Variants in PCDHA2 observed in about 807,000 individuals in gnomAD.
PCDHA2 encodes the protein protocadherin alpha 2.
A neutral mutation model predicts 66.0 loss-of-function variants in PCDHA2; 58 were observed. That is an observed-to-expected ratio of 0.88 (90% CI 0.71 to 1.09). PCDHA2 has a LOEUF of 1.09. Among genes scored for constraint, PCDHA2 ranks in the 50% least tolerant of loss-of-function variants. PCDHA2 has a pLI of 0.00. For synonymous variants in PCDHA2, 634 were observed against 554.0 expected (o/e 1.14, Z -2.03); for missense variants, 1,267 against 1,242.3 (o/e 1.02, Z -0.30).
intron 1 of PCDHA2, chr5:140,968,754 G>T: frequency 1.2e-6 from 2 of 1,614,170 alleles, no homozygotes; most frequent in Non-Finnish European, 1.7e-6. Flanking sequence ...GTGGTGGTCC[G>T]AGATAATGGA....
intron 1 of PCDHA2, among the ~76,000 whole-genome samples, chr5:140,959,312 C>G (rs2095480226): frequency 6.6e-6 from 1 of 151,968 alleles, no homozygotes; most frequent in South Asian, 2.1e-4. Flanking sequence ...GTGGTTGAAG[C>G]TGCAATAAGT....
chr5:141,006,274 C>T (rs565885323), intron 3 of PCDHA2, among the ~76,000 whole-genome samples: 13 of 152,026 alleles, frequency 8.6e-5, no homozygotes, highest in African/African-American at 2.9e-4. Context: ...TGCAGTGGCA[C>T]GATCTCAGCT....
chr5:140,929,508 A>C (rs1200880949), intron 1 of PCDHA2: 3 of 831,290 alleles, frequency 3.6e-6, no homozygotes, highest in Non-Finnish European at 5.1e-6. Context: ...CCTAGGCCTC[A>C]AGGGACTTAT....
chr5:140,896,260 G>A (rs1304707341), intron 1 of PCDHA2, among the ~76,000 whole-genome samples: 1 of 152,230 alleles, frequency 6.6e-6, no homozygotes, highest in African/African-American at 2.4e-5. Context: ...TATGTACACA[G>A]TTATGGGATT....
At chr5:140,882,534 G>C in intron 1 of PCDHA2, 1 of 1,614,204 alleles carries the variant, frequency 6.2e-7, no homozygotes. Flanking sequence ...GTGAATTCTC[G>C]GATCGACCGC....
chr5:140,810,198 A>G (rs1214628062), intron 1 of PCDHA2: 2 of 152,248 alleles, frequency 1.3e-5, no homozygotes, highest in Non-Finnish European at 2.9e-5. Context: ...TTCTGTTTCT[A>G]GTACTATTTC....
intron 1 of PCDHA2, among the ~76,000 whole-genome samples, chr5:140,901,673 A>G (rs964267221): frequency 6.6e-6 from 1 of 152,056 alleles, no homozygotes; most frequent in Admixed American, 6.6e-5. Context: ...AGATACCTTT[A>G]GGTATTATGG....
chr5:140,805,138 A>G, intron 1 of PCDHA2: 1 of 1,572,924 alleles, frequency 6.4e-7, no homozygotes, highest in African/African-American at 1.3e-5. Context: ...GACATTTTGA[A>G]GACTTTGGAA....
intron 1 of PCDHA2, among the ~76,000 whole-genome samples, chr5:140,873,862 T>A (rs188055479): frequency 4.1e-4 from 62 of 152,308 alleles, no homozygotes; most frequent in Admixed American, 1.1e-3. Context: ...GTTTTCACCA[T>A]GTTGGCCAGG....
At chr5:140,946,591 AATAG>A (rs1237639683) in intron 1 of PCDHA2, among the ~76,000 whole-genome samples, 7 of 119,490 alleles carry the variant, frequency 5.9e-5, no homozygotes, top group African/African-American at 2.9e-4. Flanking sequence ...ATAGTGGATG[AATAG>A]ATAAAGAAAA....
intron 1 of PCDHA2, among the ~76,000 whole-genome samples, chr5:140,975,393 C>G (rs2096665585): frequency 6.6e-6 from 1 of 152,256 alleles, no homozygotes. Flanking sequence ...TAAGATCCAT[C>G]ACAATCACAG....
chr5:140,914,915 T>G (rs1037949691), intron 1 of PCDHA2, among the ~76,000 whole-genome samples: 8 of 151,746 alleles, frequency 5.3e-5, no homozygotes, highest in Non-Finnish European at 1.0e-4. Context: ...TTTCTCTGTG[T>G]CTTATTGTAC....
At position 140,849,443 on chromosome 5, in the gene PCDHA2, C is replaced by G. The variant is rs2150437584; in HGVS notation, c.2388+52091C>G. On this transcript the variant is annotated intron_variant, in intron 1 of 3. Coordinates refer to ENST00000526136, the MANE Select transcript of PCDHA2 (RefSeq NM_018905.3). ...TGGATTTTGAAGAAAGTAGAGCACA[C>G]AAGATCCCAGTCGAGGCTGTCGATA... 1.9e-6 allele frequency: 3 copies of G among 1,584,788 alleles called. 1 individual carries two copies. The highest frequency in any genetic ancestry group is 8.6e-7 in the Non-Finnish European group (1 of 1,160,072).
Position 140,898,798 on chromosome 5 carries a change from G to A in PCDHA2, c.2389-80151G>A, listed in dbSNP as rs1441416892. On this transcript the variant is annotated intron_variant, in intron 1 of 3. Coordinates refer to ENST00000526136, the MANE Select transcript of PCDHA2 (RefSeq NM_018905.3). The stretch of plus-strand genomic sequence containing the variant: ...CCTTGGGCAGTATGGCCATTTTCAC[G>A]ATACTGATTCTTCCTACCCATGAGC... Among the ~76,000 whole-genome samples the A allele has an allele frequency of 2.6e-4, 39 of 152,120 alleles. 1 individual carries two copies. Among genetic ancestry groups the A allele is most frequent in the African/African-American group, 7.2e-5 (3 of 41,414 alleles).
chr5:140,881,757 A>G (rs1238055344), intron 1 of PCDHA2, among the ~76,000 whole-genome samples: 1 of 152,166 alleles, frequency 6.6e-6, no homozygotes, highest in Non-Finnish European at 1.5e-5. Flanking sequence ...TACCACAAAA[A>G]CCTACATGAC....
intron 1 of PCDHA2, among the ~76,000 whole-genome samples, chr5:140,922,408 T>C (rs2080827805): frequency 6.6e-6 from 1 of 152,196 alleles, no homozygotes; most frequent in Non-Finnish European, 1.5e-5. Context: ...ATTAAAAAGA[T>C]CTAGGTACAG....
rs1762150875 is a variant in PCDHA2 at position 140,796,870 on chromosome 5, G to A, written c.1906G>A (p.Ala636Thr). Residue 636 changes from alanine (A) to threonine (T), a missense_variant, in exon 1 of 4, where the codon GCC becomes ACC. Physicochemically the swap from Ala to Thr is moderately conservative, Grantham distance 58. Transcript: ENST00000526136. ...CACGGGTGAGATCAGCACGACACGT[G>A]CCCTAGACGAGGCTGACTCCCCTCG... ...LYTGEISTTRALDEADSPRHR... is the reference protein window; with the variant it reads ...LYTGEISTTRTLDEADSPRHR... 6.2e-7 allele frequency: 1 copy of A among 1,613,910 alleles called. No individual in the cohort carries two copies. Among genetic ancestry groups the A allele is most frequent in the African/African-American group, 1.3e-5 (1 of 74,940 alleles).
intron 1 of PCDHA2, chr5:140,824,323 T>A: frequency 1.4e-6 from 1 of 698,316 alleles, no homozygotes; most frequent in South Asian, 1.9e-5. Context: ...ATCAGCTTTC[T>A]GTGATATTAA....
rs563512273 is a variant in PCDHA2 at position 140,921,751 on chromosome 5, A to G, written c.2389-57198A>G. Among the ~76,000 whole-genome samples, 11 of 152,290 alleles carry G rather than the reference A, an allele frequency of 7.2e-5. No homozygotes were observed. The East Asian group carries it at 7.7e-4, about 11-fold the overall frequency. On this transcript the variant is annotated intron_variant, in intron 1 of 3. Coordinates refer to ENST00000526136, the MANE Select transcript of PCDHA2 (RefSeq NM_018905.3). ...ATAAAAATTATAAGCATAACAGGAC[A>G]CTTCTTGGCTACTATTCAATACTGA...
Sources: gnomAD v4.1 joint callset for allele counts (sites outside exome capture counted in the v4.1 genomes callset) on GRCh38, gnomAD v4.1.1 for gene constraint, MANE v1.5 for transcripts, NCBI Gene and HGNC (gene_info 2026-07-23, HGNC 2026-07-21) for gene names.